Variants in PPP4R2 observed in about 807,000 individuals in gnomAD.
The protein encoded by PPP4R2 is protein phosphatase 4 regulatory subunit 2, also known as serine/threonine-protein phosphatase 4 regulatory subunit 2.
A neutral mutation model predicts 47.2 loss-of-function variants in PPP4R2; 13 were observed. The ratio of observed to expected loss-of-function variants is 0.28; its 90% CI spans 0.18 to 0.44. PPP4R2 has a LOEUF of 0.44. Ranked by LOEUF, PPP4R2 falls within the 20% of genes least tolerant of loss-of-function variation. The pLI, the probability that PPP4R2 is intolerant of heterozygous loss-of-function variation, is 1.00. For missense variants in PPP4R2, 421 were observed against 491.2 expected (o/e 0.86, Z 1.35); for synonymous variants, 151 against 163.3 (o/e 0.92, Z 0.57).
intron 2 of PPP4R2, among the ~76,000 whole-genome samples, chr3:73,003,610 C>T: frequency 6.6e-6 from 1 of 152,142 alleles, no homozygotes; most frequent in East Asian, 1.9e-4. Context: ...TTCTCTCTGT[C>T]TCTCGTCAGT....
intron 3 of PPP4R2, among the ~76,000 whole-genome samples, chr3:73,057,420 A>G (rs1702750844): frequency 6.6e-6 from 1 of 152,118 alleles, no homozygotes; most frequent in Non-Finnish European, 1.5e-5. Flanking sequence ...CAAAAGCAAA[A>G]AAGTATTCTT....
intron 3 of PPP4R2, among the ~76,000 whole-genome samples, chr3:73,057,644 C>T (rs1175867772): frequency 1.3e-5 from 2 of 152,110 alleles, no homozygotes; most frequent in South Asian, 2.1e-4. Context: ...GCACTTTAAG[C>T]ACTTTCAGAA....
intron 2 of PPP4R2, among the ~76,000 whole-genome samples, chr3:73,000,901 G>A (rs1026733450): frequency 1.3e-5 from 2 of 152,158 alleles, no homozygotes; most frequent in African/African-American, 2.4e-5. Context: ...TGGATTTAAA[G>A]GTATTTGATG....
Position 73,068,933 on chromosome 3 carries a change from G to GGT in PPP4R2, c.*3213_*3214dup, listed in dbSNP as rs1703056325. The GGT allele has an allele frequency of 7.1e-5, 1 of 13,996 alleles. No individual in the cohort carries two copies. The highest frequency in any genetic ancestry group is 6.5e-4 in the Admixed American group (1 of 1,536). 0.9% of individuals were successfully genotyped at this position (13,996 alleles called of 1,614,324 possible). A position where few individuals can be genotyped will look rare whatever the true frequency, so the allele number is the denominator to read the frequency against. On this transcript the variant is annotated 3_prime_UTR_variant, in exon 9 of 9. Transcript: ENST00000356692. ...GGAATTTAACATTGGTTTTGATGAA[G>GGT]GTGAGGGTCAGTTCTCAAGATTTGT...
intron 3 of PPP4R2, among the ~76,000 whole-genome samples, chr3:73,054,887 A>T (rs1185134864): frequency 2.6e-5 from 4 of 152,212 alleles, no homozygotes; most frequent in African/African-American, 9.6e-5. Flanking sequence ...CTTATGACTT[A>T]AAATTTATCT....
rs1475137422 is a variant in PPP4R2, at chr3:73,064,065, C to T, written c.557C>T (p.Ala186Val). The part of the protein sequence containing the change: ...PLNRPKVSLS[A>V]PMTTNGLPES... ...AATCGACCAAAGGTTTCTTTGTCAG[C>T]CCCCATGACAACAAATGGGTTGCCT... Residue 186 changes from alanine to valine, a missense_variant, in exon 7 of 9, where the codon GCC (alanine) becomes GTC (valine). Around this residue, in one of 2 missense-constraint regions of PPP4R2, gnomAD observed 317 missense variants for 287.5 expected, o/e 1.10. Transcript: ENST00000356692. 1 of 1,613,030 alleles carries T rather than the reference C, an allele frequency of 6.2e-7. No individual in the cohort carries two copies. Among genetic ancestry groups the T allele is most frequent in the African/African-American group, 1.3e-5 (1 of 74,862 alleles).
At chr3:73,027,982 A>G (rs1235798666) in intron 2 of PPP4R2, 1 of 143,422 alleles carries the variant, frequency 7.0e-6, no homozygotes, top group African/African-American at 2.6e-5. Context: ...TGGGCTGGGC[A>G]CTAGTGAGTC....
At chr3:73,062,156 C>CATAGGTCT in intron 5 of PPP4R2, 1 of 1,548,056 alleles carries the variant, frequency 6.5e-7, no homozygotes, top group Non-Finnish European at 8.7e-7. Flanking sequence ...ACAGATCTTA[C>CATAGGTCT]AAAAGATCTT....
intron 2 of PPP4R2, among the ~76,000 whole-genome samples, chr3:73,045,066 TTAC>T (rs1702455133): frequency 6.6e-6 from 1 of 152,228 alleles, no homozygotes; most frequent in Non-Finnish European, 1.5e-5. Flanking sequence ...TGATCTTGGC[TTAC>T]TGCAGCCTCT....
At position 73,061,006 on chromosome 3, in the gene PPP4R2, G is replaced by T; in HGVS notation, c.382-17G>T. ...GTACTTTTCTTCATACTAAATCACT[G>T]ATTTTTGTTATTGCAGAATGTGATG... On this transcript the variant is annotated splice_polypyrimidine_tract_variant and intron_variant, in intron 4 of 8. Transcript: ENST00000356692. The T allele has an allele frequency of 6.5e-7, 1 of 1,540,186 alleles. No homozygotes were observed. The highest frequency in any genetic ancestry group is 1.3e-5 in the South Asian group (1 of 79,760).
rs1175281556 is a variant in PPP4R2, at chr3:73,066,055, T to G, written c.*333T>G. ...TACAATTTTGAAAAGTTTTTTGAGA[T>G]TATCACATTTAGTTTATACATATGC... On this transcript the variant is annotated 3_prime_UTR_variant, in exon 9 of 9. Transcript: ENST00000356692. 6.2e-6 allele frequency: 1 copy of G among 160,112 alleles called. No individual in the cohort carries two copies. Among genetic ancestry groups the G allele is most frequent in the African/African-American group, 2.4e-5 (1 of 41,560 alleles). The allele number at this position is 160,112 out of a possible 1,614,324, so 9.9% of individuals were successfully genotyped here.
At chr3:73,012,357 C>CG (rs1164229785) in intron 2 of PPP4R2, among the ~76,000 whole-genome samples, 1 of 151,956 alleles carries the variant, frequency 6.6e-6, no homozygotes, top group Non-Finnish European at 1.5e-5. Flanking sequence ...TGGAGTGCAG[C>CG]GGCGCAATCT....
chr3:73,013,622 T>C (rs931584829), intron 2 of PPP4R2, among the ~76,000 whole-genome samples: 3 of 151,150 alleles, frequency 2.0e-5, no homozygotes, highest in African/African-American at 4.9e-5. Flanking sequence ...TTATTTTCTT[T>C]ATTTAGATAC....
intron 3 of PPP4R2, among the ~76,000 whole-genome samples, chr3:73,058,369 C>A (rs1438739537): frequency 1.3e-5 from 2 of 151,948 alleles, no homozygotes; most frequent in Admixed American, 6.6e-5. Flanking sequence ...TATTAAATAA[C>A]CCCCAACTTG....
At chr3:73,036,884 C>A (rs1394223233) in intron 2 of PPP4R2, among the ~76,000 whole-genome samples, 8 of 152,090 alleles carry the variant, frequency 5.3e-5, no homozygotes, top group African/African-American at 7.2e-5. Context: ...TGTTAAGATA[C>A]TTTTGTTTTA....
At chr3:72,998,617 T>G (rs1298623950) in intron 2 of PPP4R2, among the ~76,000 whole-genome samples, 1 of 152,200 alleles carries the variant, frequency 6.6e-6, no homozygotes, top group African/African-American at 2.4e-5. Flanking sequence ...TCACTTCTAT[T>G]TATCGTCTGG....
intron 2 of PPP4R2, among the ~76,000 whole-genome samples, chr3:73,010,677 G>A (rs1481315842): frequency 6.6e-6 from 1 of 151,904 alleles, no homozygotes; most frequent in African/African-American, 2.4e-5. Context: ...TCTTGCCTCA[G>A]CCTCCTAAGT....
At chr3:73,001,224 G>A (rs934140906) in intron 2 of PPP4R2, among the ~76,000 whole-genome samples, 12 of 151,746 alleles carry the variant, frequency 7.9e-5, no homozygotes, top group South Asian at 4.2e-4. Flanking sequence ...GGAATACAGC[G>A]TTTTAAAAAG....
chr3:73,024,019 T>C (rs1702010775), intron 2 of PPP4R2, among the ~76,000 whole-genome samples: 1 of 152,112 alleles, frequency 6.6e-6, no homozygotes, highest in South Asian at 2.1e-4. Flanking sequence ...CATTTACCTT[T>C]TTAATACTTT....
Sources: allele counts gnomAD v4.1 joint callset (sites outside exome capture counted in the v4.1 genomes callset), GRCh38; gene constraint gnomAD v4.1.1; regional missense constraint gnomAD v4.1.1; transcripts MANE v1.5; gene names NCBI Gene and HGNC (gene_info 2026-07-23, HGNC 2026-07-21).